Variants in SETD5 observed in about 807,000 individuals in gnomAD.
The protein encoded by SETD5 is histone-lysine N-methyltransferase SETD5.
Under a neutral mutation model 153.3 loss-of-function variants are expected in SETD5, and 44 were observed. The ratio of observed to expected loss-of-function variants is 0.29; its 90% CI spans 0.23 to 0.37. The LOEUF (loss-of-function observed/expected upper bound fraction) is 0.37. SETD5 is among the 10% of genes least tolerant of loss of function. The probability of loss-of-function intolerance (pLI) is 1.00; values close to 1 mark genes in which losing one functional copy is unlikely to be tolerated. For synonymous variants in SETD5, 716 were observed against 645.2 expected, an observed-to-expected ratio of 1.11 and a Z score of -1.66; for missense variants, 1,544 against 1,768.0, an observed-to-expected ratio of 0.87 and a Z score of 2.27.
intron 11 of SETD5, 69 bp downstream of exon 11, chr3:9,443,486 A>G (rs1449494412): frequency 2.4e-6 from 2 of 829,370 alleles, no homozygotes; most frequent in African/African-American, 3.6e-5. Context: ...CACTCTATTT[A>G]AAGTCTGCTC....
intron 11 of SETD5, among the ~76,000 whole-genome samples, chr3:9,444,794 T>C (rs1328583664): frequency 6.6e-6 from 1 of 151,996 alleles, no homozygotes; most frequent in Non-Finnish European, 1.5e-5. Flanking sequence ...GGAGGATCAC[T>C]TGAGCCCAGG....
intron 1 of SETD5, among the ~76,000 whole-genome samples, chr3:9,409,906 A>G (rs918851949): frequency 2.6e-5 from 4 of 152,206 alleles, no homozygotes; most frequent in Non-Finnish European, 4.4e-5. Flanking sequence ...GTTTTGTGCC[A>G]CAATACACAC....
In SETD5 at chr3:9,446,286, CAA is replaced by C. The variant is rs577044895; in HGVS notation, c.1524+567_1524+568del. 8.2e-3 allele frequency among the ~76,000 whole-genome samples: 188 copies of C among 22,842 alleles called. 5 individuals are homozygous for C. The highest frequency in any genetic ancestry group is 0.071 in the East Asian group (95 of 1,340). 15.0% of individuals were successfully genotyped at this position (22,842 alleles called of 152,430 possible). On this transcript the variant is annotated intron_variant, in intron 13 of 22. Transcript: ENST00000402198. ...TGGGCAAAAGAGCGAGACTCCATCT[CAA>C]AAAAAAAAAAAAAAAAAAAATCTGG...
chr3:9,475,780 T>C lies in SETD5; in HGVS notation c.4018T>C (p.Cys1340Arg). 3 of 1,614,012 alleles carry C rather than the reference T, an allele frequency of 1.9e-6. No homozygotes were observed. Among genetic ancestry groups the C allele is most frequent in the Non-Finnish European group, 2.5e-6 (3 of 1,179,884 alleles). ...TGGCAGCAATCTTCCAAGGAGGAGCTGCCCTTCTAGTGCTGCTAGCCCTAC... is the reference window on the plus strand; with the variant it reads ...TGGCAGCAATCTTCCAAGGAGGAGCCGCCCTTCTAGTGCTGCTAGCCCTAC... Reference protein sequence around the residue: ...STGSNLPRRSCPSSAASPTLQ... With the variant: ...STGSNLPRRSRPSSAASPTLQ... Residue 1340 changes from cysteine (C) to arginine (R), a missense_variant, in exon 23 of 23, where the codon TGC becomes CGC. By Grantham distance (180) the Cys-to-Arg change is radical. This residue lies in a region of SETD5 where 302 missense variants were observed against 277.6 expected (regional missense o/e 1.09). Transcript: ENST00000402198.
intron 1 of SETD5, among the ~76,000 whole-genome samples, 195 bp from the exon 2 acceptor site, chr3:9,424,272 G>T (rs1205196654): frequency 1.3e-5 from 2 of 152,084 alleles, no homozygotes; most frequent in East Asian, 3.8e-4. Flanking sequence ...CTCGTTTCTG[G>T]CTTTATGGAA....
At chr3:9,442,268 C>T (rs761343299) in intron 10 of SETD5, 23 bp downstream of exon 10, 4 of 1,494,342 alleles carry the variant, frequency 2.7e-6, no homozygotes, top group Non-Finnish European at 2.8e-6. Context: ...TAGCAACTTC[C>T]CTTTGACTGG....
Position 9,397,907 on chromosome 3 carries a change from G to C in SETD5, c.-247G>C, listed in dbSNP as rs1247669286. 4.0e-5 allele frequency: 6 copies of C among 149,158 alleles called. No individual in the cohort carries two copies. Among genetic ancestry groups the C allele is most frequent in the Non-Finnish European group, 7.3e-5 (5 of 68,044 alleles). 9.2% of individuals were successfully genotyped at this position (149,158 alleles called of 1,614,324 possible). On this transcript the variant is annotated 5_prime_UTR_variant, in exon 1 of 23. Coordinates refer to ENST00000402198, the MANE Select transcript of SETD5 (RefSeq NM_001080517.3). ...CGTGGCGCCGCGTTGGGCCTAACTC[G>C]AGTCCTGCCGCCTCCCGGGAGTGCC...
intron 13 of SETD5, among the ~76,000 whole-genome samples, chr3:9,446,043 T>C (rs1202140131): frequency 6.8e-6 from 1 of 147,396 alleles, no homozygotes; most frequent in Non-Finnish European, 1.5e-5. Flanking sequence ...ATCCCAGCAC[T>C]TTGGGAGGGC....
At chr3:9,412,414 T>G (rs1559357291) in intron 1 of SETD5, among the ~76,000 whole-genome samples, 1 of 143,322 alleles carries the variant, frequency 7.0e-6, no homozygotes, top group African/African-American at 2.6e-5. Context: ...TTTTTTTTTT[T>G]TTTAAAGAGA....
Position 9,445,676 on chromosome 3 carries a change from A to G in SETD5, c.1460A>G (p.Glu487Gly), listed in dbSNP as rs1319843852. ...SDHEEVDNPEEKPEEEKEEVI... is the reference protein window; with the variant it reads ...SDHEEVDNPEGKPEEEKEEVI... ...TTAAAGGAAGTAGACAATCCAGAAGAAAAACCAGAAGAAGAGAAAGAAGAG... is the reference window on the plus strand; with the variant it reads ...TTAAAGGAAGTAGACAATCCAGAAGGAAAACCAGAAGAAGAGAAAGAAGAG... Residue 487 changes from glutamate to glycine, a missense_variant, in exon 13 of 23, where the codon GAA becomes GGA. Transcript: ENST00000402198. 1.2e-6 allele frequency: 2 copies of G among 1,613,650 alleles called. No individual in the cohort carries two copies. Among genetic ancestry groups the G allele is most frequent in the Non-Finnish European group, 1.7e-6 (2 of 1,179,696 alleles).
chr3:9,452,704 G>T (rs2625164), intron 16 of SETD5, among the ~76,000 whole-genome samples: 74 of 134,560 alleles, frequency 5.5e-4, no homozygotes, highest in South Asian at 9.4e-4. Context: ...TTTGTGGATT[G>T]TTTCCTAGGT....
intron 7 of SETD5, among the ~76,000 whole-genome samples, chr3:9,436,236 C>T (rs1382030366): frequency 6.6e-6 from 1 of 152,162 alleles, no homozygotes; most frequent in Non-Finnish European, 1.5e-5. Context: ...CACCTCTCAA[C>T]CCCAAAGTAC....
At chr3:9,423,572 C>A (rs926573524) in intron 1 of SETD5, among the ~76,000 whole-genome samples, 3 of 151,762 alleles carry the variant, frequency 2.0e-5, no homozygotes, top group Non-Finnish European at 2.9e-5. Context: ...TACTTTATTT[C>A]TTCCTTCCTT....
In SETD5 at chr3:9,441,543, A is replaced by C. The variant is rs181145350; in HGVS notation, c.811-50A>C. ...TAATTATGAAGTAATTTGAGTGTCT[A>C]CTAAGGTGTTCTTGCTGTTGTTTAA... On this transcript the variant is annotated intron_variant, in intron 8 of 22. Coordinates refer to ENST00000402198, the MANE Select transcript of SETD5 (RefSeq NM_001080517.3). The C allele has an allele frequency of 3.4e-3, 5,314 of 1,566,670 alleles. 42 individuals carry two copies. The highest frequency in any genetic ancestry group is 0.02 in the South Asian group (1,829 of 89,956).
intron 18 of SETD5, 179 bp downstream of exon 18, chr3:9,464,851 G>A: frequency 1.1e-6 from 1 of 891,350 alleles, no homozygotes; most frequent in Non-Finnish European, 1.7e-6. Context: ...CATCTTGGCA[G>A]CCCCTATGCT....
At chr3:9,466,507 G>A (rs989591484) in intron 18 of SETD5, among the ~76,000 whole-genome samples, 2 of 151,832 alleles carry the variant, frequency 1.3e-5, no homozygotes, top group African/African-American at 4.8e-5. Flanking sequence ...CAGGAGGGAA[G>A]GAAAATATTA....
chr3:9,460,547 C>A (rs2043833931), intron 17 of SETD5, among the ~76,000 whole-genome samples: 1 of 151,300 alleles, frequency 6.6e-6, no homozygotes, highest in South Asian at 2.1e-4. Flanking sequence ...ATTTCCCTAA[C>A]AATTTTAATA....
intron 1 of SETD5, among the ~76,000 whole-genome samples, chr3:9,401,856 C>G (rs896637032): frequency 4.6e-5 from 7 of 152,048 alleles, no homozygotes; most frequent in Admixed American, 2.0e-4. Context: ...ACTTCTTGAC[C>G]AGTATATTTT....
At chr3:9,450,651 C>A (rs942759146) in intron 16 of SETD5, among the ~76,000 whole-genome samples, 3 of 152,068 alleles carry the variant, frequency 2.0e-5, no homozygotes, top group African/African-American at 7.2e-5. Context: ...CATTATTCAA[C>A]AAAATTGTAA....
Sources: allele counts gnomAD v4.1 joint callset (sites outside exome capture counted in the v4.1 genomes callset), GRCh38; gene constraint gnomAD v4.1.1; regional missense constraint gnomAD v4.1.1; transcripts MANE v1.5; gene names NCBI Gene and HGNC (gene_info 2026-07-23, HGNC 2026-07-21).